Variants in ZMYM2 observed in about 807,000 individuals in gnomAD.
ZMYM2 encodes zinc finger MYM-type containing 2.
Under a neutral mutation model 162.8 loss-of-function variants are expected in ZMYM2, and 56 were observed. The ratio of observed to expected loss-of-function variants is 0.34; its 90% CI spans 0.28 to 0.43. The LOEUF (loss-of-function observed/expected upper bound fraction) is 0.43, where lower values mean the gene tolerates loss of function less well. ZMYM2 is among the 20% of genes least tolerant of loss of function. The pLI, the probability that ZMYM2 is intolerant of heterozygous loss-of-function variation, is 1.00. For missense variants in ZMYM2, 1,275 were observed against 1,621.8 expected, an observed-to-expected ratio of 0.79 and a Z score of 3.67; for synonymous variants, 510 against 541.6, an observed-to-expected ratio of 0.94 and a Z score of 0.81.
upstream of ZMYM2, among the ~76,000 whole-genome samples, chr13:19,956,301 T>C (rs538921772): frequency 4.6e-5 from 7 of 152,342 alleles, no homozygotes; most frequent in African/African-American, 1.7e-4. Context: ...TTGTCCATGT[T>C]GTAGTGTATA....
chr13:20,072,549 TA>T (rs1957165162), intron 21 of ZMYM2, among the ~76,000 whole-genome samples: 1 of 152,110 alleles, frequency 6.6e-6, no homozygotes, highest in African/African-American at 2.4e-5. Context: ...TAATAATTTT[TA>T]AAAAAGAGTT....
At chr13:19,888,886 C>A in the ZMYM2 span, among the ~76,000 whole-genome samples, 1 of 152,006 alleles carries the variant, frequency 6.6e-6, no homozygotes, top group Non-Finnish European at 1.5e-5. Flanking sequence ...GCGTGAGCCA[C>A]TGTGCCTGGC....
chr13:19,885,471 T>G, the ZMYM2 span, among the ~76,000 whole-genome samples: 4 of 152,154 alleles, frequency 2.6e-5, no homozygotes, highest in African/African-American at 9.7e-5. Context: ...CTTAGCTGCT[T>G]AATTGCCATT....
the ZMYM2 span, among the ~76,000 whole-genome samples, chr13:19,923,480 A>C: frequency 6.7e-6 from 1 of 150,364 alleles, no homozygotes; most frequent in Non-Finnish European, 1.5e-5. Context: ...TCAAAGCTGC[A>C]TATCTATATC....
intron 18 of ZMYM2, among the ~76,000 whole-genome samples, chr13:20,063,433 A>G (rs551157927): frequency 1.3e-5 from 2 of 150,794 alleles, no homozygotes; most frequent in Non-Finnish European, 3.0e-5. Context: ...AAAATTCTAG[A>G]AGTAATTCAT....
At chr13:19,974,538 T>C (rs1331968106) in intron 2 of ZMYM2, among the ~76,000 whole-genome samples, 4 of 151,284 alleles carry the variant, frequency 2.6e-5, no homozygotes, top group Non-Finnish European at 4.4e-5. Context: ...TGCAGTGGTG[T>C]GATCTCGGCT....
intron 3 of ZMYM2, among the ~76,000 whole-genome samples, chr13:19,995,201 G>A (rs1391677665): frequency 2.0e-5 from 3 of 151,860 alleles, no homozygotes; most frequent in Non-Finnish European, 2.9e-5. Flanking sequence ...TTTGAAGAAA[G>A]CCAAACATAT....
Position 20,066,931 on chromosome 13 carries a change from A to G in ZMYM2, c.3213A>G (p.Lys1071=), listed in dbSNP as rs1330951585. 3 of 1,613,576 alleles carry G rather than the reference A, an allele frequency of 1.9e-6. No homozygotes were observed. Among genetic ancestry groups the G allele is most frequent in the African/African-American group, 1.3e-5 (1 of 74,938 alleles). ...SDNSECSFPF[K]YTYGVNAWKH... is the part of the protein sequence containing the mutation. ...ATTCAGAATGCAGCTTTCCTTTCAAATATACGTATGGCGTAAATGCATGGA... is the reference window on the plus strand; with the variant it reads ...ATTCAGAATGCAGCTTTCCTTTCAAGTATACGTATGGCGTAAATGCATGGA... The change falls in exon 20 of 25, where the codon AAA becomes AAG. Residue 1071 remains lysine (K), a synonymous_variant. Transcript: ENST00000610343.
the ZMYM2 span, among the ~76,000 whole-genome samples, chr13:19,882,830 T>G: frequency 6.6e-6 from 1 of 152,184 alleles, no homozygotes. Context: ...ATGGAGCAAC[T>G]ACTGTGGAAA....
At chr13:19,922,075 A>G in the ZMYM2 span, among the ~76,000 whole-genome samples, 1 of 151,778 alleles carries the variant, frequency 6.6e-6, no homozygotes, top group African/African-American at 2.4e-5. Flanking sequence ...CACCACGCTC[A>G]CCTTATTTTT....
the ZMYM2 span, among the ~76,000 whole-genome samples, chr13:19,903,014 G>A: frequency 6.6e-6 from 1 of 151,838 alleles, no homozygotes; most frequent in Non-Finnish European, 1.5e-5. Context: ...AAATTAGCCA[G>A]GCATGGTGGT....
chr13:20,021,819 A>G (rs9506416), intron 7 of ZMYM2, among the ~76,000 whole-genome samples: 3,961 of 152,204 alleles, frequency 0.026, 116 homozygotes, highest in East Asian at 0.13. Context: ...ATGTCTGTAG[A>G]TGTAGTTTTA....
intron 13 of ZMYM2, 87 bp from the exon 14 acceptor site, chr13:20,052,190 A>AG: frequency 8.8e-7 from 1 of 1,132,496 alleles, no homozygotes; most frequent in East Asian, 2.6e-5. Context: ...CACATTTTAA[A>AG]TTGGTGAAAT....
the ZMYM2 span, among the ~76,000 whole-genome samples, chr13:19,902,231 G>A: frequency 3.3e-5 from 5 of 152,354 alleles, no homozygotes; most frequent in African/African-American, 1.2e-4. Context: ...ATGATTGCCA[G>A]TGATTAAGTA....
rs368848551 is a variant in ZMYM2, at chr13:20,038,427, C to G, written c.2292+1518C>G. Among the ~76,000 whole-genome samples, 171 of 152,204 alleles carry G rather than the reference C, an allele frequency of 1.1e-3. 1 individual carries two copies. The Middle Eastern group carries it at 0.017, about 15-fold the overall frequency. ...GTTTTGGGTTTTACATTTATTAATC[C>G]ATCCTGAGTTAATTTTTGTATATGG... is the stretch of plus-strand genomic sequence containing the variant. On this transcript the variant is annotated intron_variant, in intron 12 of 24. Transcript: ENST00000610343.
chr13:19,967,038 T>C (rs577782354), intron 2 of ZMYM2, among the ~76,000 whole-genome samples: 3 of 152,310 alleles, frequency 2.0e-5, no homozygotes, highest in African/African-American at 7.2e-5. Flanking sequence ...TGACTTCTGT[T>C]ATTTCATGTT....
chr13:20,053,639 T>C (rs1290687638), intron 14 of ZMYM2, among the ~76,000 whole-genome samples: 3 of 151,810 alleles, frequency 2.0e-5, no homozygotes, highest in Non-Finnish European at 4.4e-5. Flanking sequence ...GTAATAAGAG[T>C]GAAACTCCAT....
the ZMYM2 span, among the ~76,000 whole-genome samples, chr13:19,910,805 G>T: frequency 2.6e-5 from 4 of 152,142 alleles, no homozygotes; most frequent in African/African-American, 9.7e-5. Context: ...AGGGTGGCAG[G>T]TGCAAGGTGG....
intron 11 of ZMYM2, among the ~76,000 whole-genome samples, chr13:20,035,248 A>G (rs757319185): frequency 2.0e-5 from 3 of 152,242 alleles, no homozygotes; most frequent in Non-Finnish European, 4.4e-5. Context: ...AGAGAATGAC[A>G]GCAAAATAAA....
Sources: allele counts gnomAD v4.1 joint callset (sites outside exome capture counted in the v4.1 genomes callset), GRCh38; gene constraint gnomAD v4.1.1; transcripts MANE v1.5; gene names NCBI Gene and HGNC (gene_info 2026-07-23, HGNC 2026-07-21).